The following OPLAH variants were observed in gnomAD, a reference collection of about 807,000 sequenced individuals.
The protein encoded by OPLAH is 5-oxoprolinase.
In OPLAH, 103 loss-of-function variants were observed where a neutral mutation model predicts 122.8. The observed-to-expected ratio is 0.84, with a 90% CI of 0.71 to 0.99. The LOEUF (loss-of-function observed/expected upper bound fraction) is 0.99. Ranked by LOEUF, OPLAH falls within the 50% of genes least tolerant of loss-of-function variation. The probability of loss-of-function intolerance (pLI) is 0.00; values close to 1 mark genes in which losing one functional copy is unlikely to be tolerated. For missense variants in OPLAH, 1,902 were observed against 1,836.5 expected (o/e 1.04, Z -0.65); for synonymous variants, 875 against 796.0 (o/e 1.10, Z -1.67).
In OPLAH at chr8:144,055,932, G is replaced by T; in HGVS notation, c.2104C>A (p.Leu702Met). 1 of 1,583,282 alleles carries T rather than the reference G, an allele frequency of 6.3e-7. No homozygotes were observed. The highest frequency in any genetic ancestry group is 8.6e-7 in the Non-Finnish European group (1 of 1,164,444). The change falls in exon 16 of 27, where the codon CTG (leucine) becomes ATG (methionine). Residue 702 changes from leucine to methionine, a missense_variant. This residue lies in a region of OPLAH where 1,726 missense variants were observed against 1,642.1 expected (regional missense o/e 1.05). Transcript: ENST00000618853. The surrounding 1 kb of genome is among the most constrained non-coding windows in gnomAD (Gnocchi z 6.5). The part of the protein sequence containing the change: ...CLIIDSNSTI[L>M]VEPGCQAEVT... The stretch of plus-strand genomic sequence containing the variant: ...TCTGCCTGGCAACCTGGCTCCACCA[G>T]GATGGTGCTGGGGAGCAGAGGGCAC...
Position 144,052,914 on chromosome 8 carries a change from G to A in OPLAH, c.3019-14C>T, listed in dbSNP as rs782045532. 255 of 1,561,924 alleles carry A rather than the reference G, an allele frequency of 1.6e-4. No homozygotes were observed. The highest frequency in any genetic ancestry group is 2.0e-4 in the Non-Finnish European group (234 of 1,153,982). On this transcript the variant is annotated splice_polypyrimidine_tract_variant and intron_variant, in intron 21 of 26. Transcript: ENST00000618853. ...CACGGCGCTGCCCTGCGCGCCCCGA[G>A]GGAAGGGAGAGGCTGTCAGCGGCCG...
In OPLAH at chr8:144,058,353, T is replaced by A; in HGVS notation, c.835A>T (p.Thr279Ser). ...RSDGGLAPMD[T>S]FSGSSAVLSG... ...AGCACAGCACTGGAGCCGCTGAAGG[T>A]GTCCATGGGCGCCAGGCCGCCATCG... Residue 279 changes from threonine to serine, a missense_variant, in exon 7 of 27, where the codon ACC becomes TCC. Thr to Ser is a moderately conservative substitution (Grantham distance 58, BLOSUM62 1). Transcript: ENST00000618853. The A allele has an allele frequency of 6.3e-7, 1 of 1,596,676 alleles. No individual in the cohort carries two copies.
chr8:144,056,482 A>C lies in OPLAH; in HGVS notation c.1886T>G (p.Val629Gly). Residue 629 changes from valine to glycine, a missense_variant, in exon 14 of 27, where the codon GTG (valine) becomes GGG (glycine). Transcript: ENST00000618853. ...CCGCACTCGCACATCGTCCACGACC[A>C]CCGGCCGCTCAGGTATGACAAAGCC... is the stretch of plus-strand genomic sequence containing the variant. ...EFGFVIPERP[V>G]VVDDVRVRGT... The C allele has an allele frequency of 6.2e-7, 1 of 1,611,784 alleles. No individual in the cohort carries two copies. Among genetic ancestry groups the C allele is most frequent in the Non-Finnish European group, 8.5e-7 (1 of 1,179,438 alleles).
intron 19 of OPLAH, among the ~76,000 whole-genome samples, chr8:144,054,081 C>A (rs183534348): frequency 6.6e-6 from 1 of 151,014 alleles, no homozygotes; most frequent in African/African-American, 2.4e-5. Flanking sequence ...CTCAAGACCC[C>A]GAATCCTCTC....
rs1564290951 is a variant in OPLAH, at chr8:144,056,441, C to G, written c.1927G>C (p.Gly643Arg). 1 of 1,610,208 alleles carries G rather than the reference C, an allele frequency of 6.2e-7. No individual in the cohort carries two copies. The highest frequency in any genetic ancestry group is 8.5e-7 in the Non-Finnish European group (1 of 1,178,926). ...DVRVRGTGRS[G>R]LRLEDAPKAQ... ...TTGGGGGCATCCTCGAGGCGAAGAC[C>G]ACTGCGGCCGGTGCCCCGCACTCGC... Residue 643 changes from glycine to arginine, a missense_variant, in exon 14 of 27, where the codon GGT becomes CGT. Transcript: ENST00000618853.
chr8:144,051,495 G>A (rs782594266), intron 26 of OPLAH, 23 bp from the exon 27 acceptor site: 2 of 1,393,278 alleles, frequency 1.4e-6, no homozygotes, highest in Non-Finnish European at 1.9e-6. Flanking sequence ...GGGGGGGCGG[G>A]GAGGCGGGCT....
At chr8:144,053,708 G>C (rs2129768186) in intron 19 of OPLAH, among the ~76,000 whole-genome samples, 1 of 152,060 alleles carries the variant, frequency 6.6e-6, no homozygotes. Flanking sequence ...ACAGCCTGTG[G>C]TTCCATTACA....
chr8:144,053,427 C>A, intron 19 of OPLAH, 34 bp from the exon 20 acceptor site: 1 of 1,571,582 alleles, frequency 6.4e-7, no homozygotes, highest in South Asian at 1.2e-5. Flanking sequence ...AGCCCCTGGC[C>A]AACCCTGTCT....
intron 26 of OPLAH, 62 bp downstream of exon 26, chr8:144,051,667 C>T (rs1213634620): frequency 3.1e-6 from 4 of 1,303,710 alleles, no homozygotes; most frequent in East Asian, 2.9e-5. Context: ...TGTTCCCCCT[C>T]TGTGGGATGG....
intron 22 of OPLAH, 68 bp downstream of exon 22, chr8:144,052,698 G>T: frequency 6.5e-7 from 1 of 1,539,496 alleles, no homozygotes; most frequent in Non-Finnish European, 8.8e-7. Context: ...GACCGTGGCT[G>T]GGCCCAGGAG....
chr8:144,053,506 C>T (rs1046030654), intron 19 of OPLAH, 113 bp from the exon 20 acceptor site: 14 of 1,046,046 alleles, frequency 1.3e-5, no homozygotes, highest in East Asian at 2.5e-5. Flanking sequence ...GAGGCCTGGC[C>T]TGGGACTGCT....
chr8:144,059,703 C>A lies in OPLAH; in HGVS notation c.259G>T (p.Ala87Ser). 6.2e-7 allele frequency: 1 copy of A among 1,611,938 alleles called. No individual in the cohort carries two copies. The highest frequency in any genetic ancestry group is 1.1e-5 in the South Asian group (1 of 91,086). ...IRMGTTVATN[A>S]LLERKGERVA... ...CGCTCCCCCTTCCGCTCCAGCAGTG[C>A]GTTGGTGGCCACTGTGGTGCCCATG... Residue 87 changes from alanine (A) to serine (S), a missense_variant, in exon 3 of 27, where the codon GCA (alanine) becomes TCA (serine). Coordinates refer to ENST00000618853, the MANE Select transcript of OPLAH (RefSeq NM_017570.5).
In OPLAH at chr8:144,057,248, T is replaced by C; in HGVS notation, c.1495A>G (p.Ile499Val). 1 of 1,612,382 alleles carries C rather than the reference T, an allele frequency of 6.2e-7. No homozygotes were observed. Among genetic ancestry groups the C allele is most frequent in the South Asian group, 1.1e-5 (1 of 91,050 alleles). The change falls in exon 11 of 27, where the codon ATC becomes GTC. Residue 499 changes from isoleucine to valine, a missense_variant. Ile to Val is a conservative substitution (Grantham distance 29). Coordinates refer to ENST00000618853, the MANE Select transcript of OPLAH (RefSeq NM_017570.5). ...GTGTCCATGCCCAGGGCCCGGGCGA[T>C]GGCACATGCATGCTGCCCACCAGCT... ...GGAGGQHACA[I>V]ARALGMDTVH...
downstream of OPLAH, chr8:144,051,217 G>C (rs1835364821): frequency 1.3e-6 from 2 of 1,543,348 alleles, no homozygotes; most frequent in East Asian, 4.7e-5. Flanking sequence ...GGCAAGCACA[G>C]ATGAGGGGCG....
Position 144,055,756 on chromosome 8 carries a change from A to G in OPLAH, c.2248+32T>C. The G allele has an allele frequency of 6.8e-7, 1 of 1,475,134 alleles. No individual in the cohort carries two copies. Among genetic ancestry groups the G allele is most frequent in the South Asian group, 1.4e-5 (1 of 73,420 alleles). The allele number at this position is 1,475,134 out of a possible 1,614,324, so 91.4% of individuals were successfully genotyped here. Reference sequence around the variant, plus strand: ...TACCCCATGACACAGCCGGCGCCTCATCCCACAGGGAGCCTGGCAGCGGCC... The same window carrying G: ...TACCCCATGACACAGCCGGCGCCTCGTCCCACAGGGAGCCTGGCAGCGGCC... On this transcript the variant is annotated intron_variant, in intron 16 of 26. Coordinates refer to ENST00000618853, the MANE Select transcript of OPLAH (RefSeq NM_017570.5). This position sits in a 1 kb window ranked among gnomAD's most constrained non-coding sequence, Gnocchi z 6.5.
chr8:144,058,335 C>G lies in OPLAH; in HGVS notation c.853G>C (p.Ala285Pro), dbSNP rs1554759947. The G allele has an allele frequency of 1.3e-6, 2 of 1,599,558 alleles. No individual in the cohort carries two copies. Among genetic ancestry groups the G allele is most frequent in the South Asian group, 2.2e-5 (2 of 89,984 alleles). Residue 285 changes from alanine (A) to proline (P), a missense_variant, in exon 7 of 27, where the codon GCT becomes CCT. Ala to Pro is a conservative substitution (Grantham distance 27). Transcript: ENST00000618853. ...CCGCCGGCCGGGCCCGAGAGCACAG[C>G]ACTGGAGCCGCTGAAGGTGTCCATG... is the stretch of plus-strand genomic sequence containing the variant. ...APMDTFSGSS[A>P]VLSGPAGGVV...
chr8:144,056,637 C>T lies in OPLAH; in HGVS notation c.1825G>A (p.Gly609Arg), dbSNP rs782490695. Reference sequence around the variant, plus strand: ...ACGTACCGCTCCACAAAGGCTGCCCCGAAGTCCCCCGCACGGGGCGAGCGG... The same window carrying T: ...ACGTACCGCTCCACAAAGGCTGCCCTGAAGTCCCCCGCACGGGGCGAGCGG... ...TARSPRAGDF[G>R]AAFVERYMRE... The change falls in exon 13 of 27, where the codon GGG becomes AGG. Residue 609 changes from glycine (G) to arginine (R), a missense_variant. This residue lies in a region of OPLAH where 1,726 missense variants were observed against 1,642.1 expected (regional missense o/e 1.05). Coordinates refer to ENST00000618853, the MANE Select transcript of OPLAH (RefSeq NM_017570.5). 48 of 1,612,130 alleles carry T rather than the reference C, an allele frequency of 3.0e-5. No homozygotes were observed. The highest frequency in any genetic ancestry group is 1.3e-4 in the Admixed American group (8 of 59,970).
At position 144,055,094 on chromosome 8, in the gene OPLAH, G is replaced by T; in HGVS notation, c.2344C>A (p.Leu782Met). 1.9e-6 allele frequency: 3 copies of T among 1,576,646 alleles called. No homozygotes were observed. The highest frequency in any genetic ancestry group is 2.4e-5 in the South Asian group (2 of 85,076). The change falls in exon 17 of 27, where the codon CTG becomes ATG. Residue 782 changes from leucine to methionine, a missense_variant. Physicochemically the swap from Leu to Met is conservative, Grantham distance 15 (BLOSUM62 2). This residue lies in a region of OPLAH where 1,726 missense variants were observed against 1,642.1 expected (regional missense o/e 1.05). Transcript: ENST00000618853. The surrounding 1 kb of genome is among the most constrained non-coding windows in gnomAD (Gnocchi z 6.5). ...SCALFGPDGG[L>M]VSNAPHIPVH... ...GGGATGTGGGGGGCATTGGACACCA[G>T]CCCCCCATCGGGCCCAAAGAGGGCA...
Position 144,057,556 on chromosome 8 carries a change from C to T in OPLAH, c.1314G>A (p.Leu438=). 1 of 1,588,208 alleles carries T rather than the reference C, an allele frequency of 6.3e-7. No individual in the cohort carries two copies. The highest frequency in any genetic ancestry group is 8.6e-7 in the Non-Finnish European group (1 of 1,168,014). ...EAVATEVNSF[L]TNGPCPASPL... is the part of the protein sequence containing the mutation. ...GGGAGGCCGGGCAGGGCCCGTTGGT[C>T]AGGAAGCTGTTGACCTCAGTGGCCA... Residue 438 remains leucine, a synonymous_variant, in exon 10 of 27, where the codon CTG becomes CTA. Transcript: ENST00000618853.
Sources: allele counts gnomAD v4.1 joint callset (sites outside exome capture counted in the v4.1 genomes callset), GRCh38; gene constraint gnomAD v4.1.1; regional missense constraint gnomAD v4.1.1; non-coding constraint Gnocchi (gnomAD v3.1); transcripts MANE v1.5; gene names NCBI Gene and HGNC (gene_info 2026-07-23, HGNC 2026-07-21).